The following DSCAML1 variants were observed in gnomAD, a reference collection of about 807,000 sequenced individuals.
DSCAML1 encodes the protein DS cell adhesion molecule like 1, also known as cell adhesion molecule DSCAML1.
DSCAML1 carries 38 observed loss-of-function variants against 200.5 expected under a neutral mutation model. That is an observed-to-expected ratio of 0.19 (90% confidence interval 0.15 to 0.25). The LOEUF (loss-of-function observed/expected upper bound fraction) is 0.25, where lower values mean the gene tolerates loss of function less well. Among genes scored for constraint, DSCAML1 ranks in the 10% least tolerant of loss-of-function variants. The pLI, the probability that DSCAML1 is intolerant of heterozygous loss-of-function variation, is 1.00. For synonymous variants in DSCAML1, 1,215 were observed against 1,165.0 expected (o/e 1.04, Z -0.87); for missense variants, 2,223 against 2,858.8 (o/e 0.78, Z 5.07).
At chr11:117,430,341 C>A (rs539960430) in intron 32 of DSCAML1, among the ~76,000 whole-genome samples, 54 of 152,352 alleles carry the variant, frequency 3.5e-4, no homozygotes, top group African/African-American at 1.3e-3. Context: ...TGTTTCCATC[C>A]TGGCACAGCT....
chr11:117,682,280 C>G (rs2053325430), intron 3 of DSCAML1, among the ~76,000 whole-genome samples: 1 of 152,184 alleles, frequency 6.6e-6, no homozygotes, highest in Non-Finnish European at 1.5e-5. Context: ...GCCTGTCCAG[C>G]CCTGTCCAGA....
chr11:117,765,200 CAGA>C (rs1235597974), intron 3 of DSCAML1, among the ~76,000 whole-genome samples: 2 of 152,226 alleles, frequency 1.3e-5, no homozygotes, highest in Non-Finnish European at 1.5e-5. Flanking sequence ...TACTGGGATG[CAGA>C]AGCTCTGTGC....
chr11:117,708,655 A>G (rs1380215620), intron 3 of DSCAML1, among the ~76,000 whole-genome samples: 1 of 152,212 alleles, frequency 6.6e-6, no homozygotes, highest in Non-Finnish European at 1.5e-5. Context: ...CATTCCTGGT[A>G]TGTTCATTTT....
chr11:117,444,666 T>C (rs901520681), intron 20 of DSCAML1, among the ~76,000 whole-genome samples: 1 of 152,128 alleles, frequency 6.6e-6, no homozygotes, highest in Non-Finnish European at 1.5e-5. Context: ...ATCTATAAAA[T>C]TTTTTTTAAC....
At chr11:117,672,932 T>C (rs1213782524) in intron 3 of DSCAML1, among the ~76,000 whole-genome samples, 9 of 152,232 alleles carry the variant, frequency 5.9e-5, no homozygotes, top group Admixed American at 5.9e-4. Context: ...GCTGTACTAA[T>C]ACATTTCTGC....
At chr11:117,609,921 C>T (rs182294244) in intron 3 of DSCAML1, among the ~76,000 whole-genome samples, 31 of 152,208 alleles carry the variant, frequency 2.0e-4, no homozygotes, top group Admixed American at 1.0e-3. Flanking sequence ...TGGTAGAAAC[C>T]GAGAGGGTCT....
At chr11:117,664,439 G>C (rs1166295778) in intron 3 of DSCAML1, among the ~76,000 whole-genome samples, 1 of 152,184 alleles carries the variant, frequency 6.6e-6, no homozygotes, top group East Asian at 1.9e-4. Flanking sequence ...ACACCTCCCT[G>C]CCATGTGACA....
intron 3 of DSCAML1, among the ~76,000 whole-genome samples, chr11:117,676,941 C>T (rs368857922): frequency 3.9e-4 from 60 of 152,286 alleles, no homozygotes; most frequent in Middle Eastern, 3.4e-3. Flanking sequence ...AGGGTCCCAC[C>T]GGGACAGGGG....
At chr11:117,804,693 G>T (rs1223806799) in intron 1 of DSCAML1, among the ~76,000 whole-genome samples, 1 of 152,192 alleles carries the variant, frequency 6.6e-6, no homozygotes, top group African/African-American at 2.4e-5. Context: ...CACTTCGAGA[G>T]GCTGAGGTGA....
chr11:117,814,965 C>T (rs144144270), intron 1 of DSCAML1, among the ~76,000 whole-genome samples: 3 of 152,200 alleles, frequency 2.0e-5, no homozygotes, highest in Non-Finnish European at 4.4e-5. Flanking sequence ...GGGTTTGGCA[C>T]GCACTCGGTT....
chr11:117,624,514 G>T (rs1276190566), intron 3 of DSCAML1, among the ~76,000 whole-genome samples: 1 of 152,116 alleles, frequency 6.6e-6, no homozygotes, highest in Non-Finnish European at 1.5e-5. Flanking sequence ...GGCCCTTTTG[G>T]GTTTTGTGTT....
chr11:117,530,317 C>G (rs2050052550), intron 4 of DSCAML1, among the ~76,000 whole-genome samples: 2 of 152,122 alleles, frequency 1.3e-5, no homozygotes, highest in Admixed American at 6.5e-5. Context: ...GCCAAATATT[C>G]ACGGAGGAGA....
At chr11:117,550,568 C>T (rs1347358532) in intron 3 of DSCAML1, among the ~76,000 whole-genome samples, 1 of 152,196 alleles carries the variant, frequency 6.6e-6, no homozygotes, top group Non-Finnish European at 1.5e-5. Flanking sequence ...GCTGGGCATA[C>T]AGTAAAGGTA....
At chr11:117,632,039 C>T (rs920122461) in intron 3 of DSCAML1, among the ~76,000 whole-genome samples, 5 of 152,226 alleles carry the variant, frequency 3.3e-5, no homozygotes. Context: ...AGCCCTCTCC[C>T]CAGTGGCCAT....
chr11:117,538,093 C>T (rs1167626147), intron 3 of DSCAML1, among the ~76,000 whole-genome samples: 1 of 152,176 alleles, frequency 6.6e-6, no homozygotes, highest in African/African-American at 2.4e-5. Flanking sequence ...ATCAAAGGAT[C>T]TTTTCAAATG....
rs1447290875 is a variant in DSCAML1 at position 117,797,185 on chromosome 11, G to A, written c.-106C>T. ...CCCAGCCGCCCGCACTCGGCGCCCC[G>A]CTCTCTCTGCTCCTCAGCCCAGCGC... On this transcript the variant is annotated 5_prime_UTR_variant, in exon 1 of 33. Transcript: ENST00000651296. The A allele has an allele frequency of 2.6e-6, 4 of 1,557,784 alleles. No homozygotes were observed. Among genetic ancestry groups the A allele is most frequent in the Non-Finnish European group, 2.6e-6 (3 of 1,153,782 alleles).
At chr11:117,644,906 C>G (rs1023393814) in intron 3 of DSCAML1, among the ~76,000 whole-genome samples, 1 of 152,260 alleles carries the variant, frequency 6.6e-6, no homozygotes, top group Non-Finnish European at 1.5e-5. Flanking sequence ...CCACGCTGAC[C>G]TCACCTCAAA....
At chr11:117,587,071 G>A (rs943407172) in intron 3 of DSCAML1, among the ~76,000 whole-genome samples, 14 of 152,220 alleles carry the variant, frequency 9.2e-5, no homozygotes, top group Admixed American at 7.2e-4. Context: ...CATCACGCAG[G>A]ACCCCAGGGA....
chr11:117,744,810 G>A (rs1434731958), intron 3 of DSCAML1, among the ~76,000 whole-genome samples: 5 of 152,256 alleles, frequency 3.3e-5, no homozygotes, highest in Admixed American at 3.3e-4. Flanking sequence ...GGGCACAGAA[G>A]GTTCCCAAAA....
Sources: allele counts gnomAD v4.1 joint callset (sites outside exome capture counted in the v4.1 genomes callset), GRCh38; gene constraint gnomAD v4.1.1; transcripts MANE v1.5; gene names NCBI Gene and HGNC (gene_info 2026-07-23, HGNC 2026-07-21).